SSH2: variants seen among roughly 807,000 people sequenced by gnomAD.
SSH2 encodes slingshot protein phosphatase 2.
SSH2 carries 37 observed loss-of-function variants against 135.2 expected under a neutral mutation model. The observed-to-expected ratio is 0.27, with a 90% confidence interval of 0.21 to 0.36. SSH2 has a LOEUF of 0.36. Ranked by LOEUF, SSH2 falls within the 10% of genes least tolerant of loss-of-function variation. The probability of loss-of-function intolerance (pLI) is 1.00; values close to 1 mark genes in which losing one functional copy is unlikely to be tolerated. For synonymous variants in SSH2, 628 were observed against 646.2 expected (o/e 0.97, Z 0.43); for missense variants, 1,408 against 1,765.3 (o/e 0.80, Z 3.63).
At chr17:29,657,751 G>A (rs956051560) in intron 11 of SSH2, among the ~76,000 whole-genome samples, 11 of 149,994 alleles carry the variant, frequency 7.3e-5, no homozygotes, top group East Asian at 2.0e-4. Context: ...TTTTACTTTT[G>A]TTTCTTAGAG....
At chr17:29,634,779 T>C (rs182506682) in intron 15 of SSH2, among the ~76,000 whole-genome samples, 1 of 152,098 alleles carries the variant, frequency 6.6e-6, no homozygotes, top group Admixed American at 6.5e-5. Flanking sequence ...TCTTGATCTC[T>C]TGACCTCGTG....
chr17:29,675,664 A>G (rs2037680084), intron 8 of SSH2, among the ~76,000 whole-genome samples: 1 of 152,038 alleles, frequency 6.6e-6, no homozygotes. Flanking sequence ...AGCCAGGTGT[A>G]GTGGCACATG....
intron 2 of SSH2, among the ~76,000 whole-genome samples, chr17:29,815,397 CA>C (rs112168303): frequency 0.062 from 9,452 of 152,188 alleles, 546 homozygotes; most frequent in African/African-American, 0.16. Context: ...GCTGGGATTA[CA>C]GGTGTTAGCC....
At chr17:29,789,781 G>A (rs1459298144) in intron 3 of SSH2, among the ~76,000 whole-genome samples, 1 of 152,106 alleles carries the variant, frequency 6.6e-6, no homozygotes, top group African/African-American at 2.4e-5. Flanking sequence ...AAACCAAGAA[G>A]GATTATTTTC....
intron 1 of SSH2, among the ~76,000 whole-genome samples, chr17:29,915,667 G>C (rs1346322107): frequency 2.0e-5 from 3 of 152,156 alleles, no homozygotes; most frequent in East Asian, 3.9e-4. Flanking sequence ...GAATTTTAAA[G>C]ATTACAGTTG....
chr17:29,641,077 T>G (rs1448546291), intron 14 of SSH2, among the ~76,000 whole-genome samples: 1 of 152,112 alleles, frequency 6.6e-6, no homozygotes, highest in Non-Finnish European at 1.5e-5. Flanking sequence ...GCCTGGCTAA[T>G]TTTTGTATTT....
rs185227745 is a variant in SSH2, at chr17:29,866,638, C to A, written c.64-17709G>T. Reference sequence around the variant, plus strand: ...AACTTCTAGACCTAGAATATCAGGGCACAAAAGAGAAGCTCTTGGAGTTAT... The same window carrying A: ...AACTTCTAGACCTAGAATATCAGGGAACAAAAGAGAAGCTCTTGGAGTTAT... On this transcript the variant is annotated intron_variant, in intron 1 of 15. Coordinates refer to ENST00000540801, the MANE Select transcript of SSH2 (RefSeq NM_001282129.2). 9.9e-4 allele frequency among the ~76,000 whole-genome samples: 150 copies of A among 152,228 alleles called. 1 individual carries two copies. The highest frequency in any genetic ancestry group is 4.2e-3 in the Admixed American group (64 of 15,286).
chr17:29,843,585 A>C (rs769715439), intron 2 of SSH2, among the ~76,000 whole-genome samples: 1 of 152,008 alleles, frequency 6.6e-6, no homozygotes, highest in Non-Finnish European at 1.5e-5. Context: ...TTACTATAGC[A>C]GTTTCCCCCT....
At chr17:29,708,993 A>AATAT (rs374708601) in intron 3 of SSH2, among the ~76,000 whole-genome samples, 2,928 of 65,614 alleles carry the variant, frequency 0.045, 166 homozygotes, top group African/African-American at 0.1. Context: ...CTAGTTAAGA[A>AATAT]ATATATATAT....
chr17:29,895,737 C>CATATATGAA (rs1567637973), intron 1 of SSH2, among the ~76,000 whole-genome samples: 4 of 74,956 alleles, frequency 5.3e-5, no homozygotes, highest in East Asian at 4.4e-4. Flanking sequence ...ATACACATTT[C>CATATATGAA]ATATATAAAA....
At chr17:29,699,849 C>T (rs890816707) in intron 4 of SSH2, among the ~76,000 whole-genome samples, 9 of 152,208 alleles carry the variant, frequency 5.9e-5, no homozygotes, top group African/African-American at 2.2e-4. Flanking sequence ...CTCCCCTACC[C>T]GACCTCTGGT....
intron 4 of SSH2, among the ~76,000 whole-genome samples, chr17:29,700,712 C>T (rs77482867): frequency 1.2e-3 from 186 of 152,302 alleles, no homozygotes; most frequent in African/African-American, 4.3e-3. Flanking sequence ...ATACCATCAC[C>T]AGACAGTAGA....
intron 2 of SSH2, among the ~76,000 whole-genome samples, chr17:29,829,926 G>A (rs1219639800): frequency 6.7e-6 from 1 of 148,482 alleles, no homozygotes; most frequent in African/African-American, 2.5e-5. Flanking sequence ...TGCAAGCTCC[G>A]CCTCCTAGGT....
At chr17:29,746,547 C>CAAAAAAAAAAA (rs57217896) in intron 3 of SSH2, among the ~76,000 whole-genome samples, 1 of 67,948 alleles carries the variant, frequency 1.5e-5, no homozygotes, top group African/African-American at 5.9e-5. Flanking sequence ...GACTCTGTCT[C>CAAAAAAAAAAA]AAAAAAAAAA....
chr17:29,785,368 C>A (rs1400520209), intron 3 of SSH2, among the ~76,000 whole-genome samples: 1 of 151,752 alleles, frequency 6.6e-6, no homozygotes, highest in Admixed American at 6.6e-5. Context: ...AAAAGGTGTC[C>A]TGAGATTGCA....
intron 3 of SSH2, among the ~76,000 whole-genome samples, chr17:29,735,696 C>CAAAA (rs1246276444): frequency 2.1e-5 from 1 of 48,656 alleles, no homozygotes; most frequent in Non-Finnish European, 4.2e-5. Flanking sequence ...GATTCTGTCT[C>CAAAA]AAAAAAAAAA....
intron 1 of SSH2, among the ~76,000 whole-genome samples, chr17:29,887,282 T>G (rs1001842368): frequency 2.0e-5 from 3 of 152,228 alleles, no homozygotes; most frequent in Admixed American, 6.5e-5. Flanking sequence ...TTGTACATCT[T>G]AGATATTATA....
intron 1 of SSH2, among the ~76,000 whole-genome samples, chr17:29,881,780 A>G (rs1599136359): frequency 6.6e-6 from 1 of 152,134 alleles, no homozygotes; most frequent in African/African-American, 2.4e-5. Context: ...GATTACAGGT[A>G]TGAGCCACCA....
At chr17:29,694,546 G>A (rs949351041) in intron 5 of SSH2, among the ~76,000 whole-genome samples, 1 of 152,184 alleles carries the variant, frequency 6.6e-6, no homozygotes, top group Non-Finnish European at 1.5e-5. Flanking sequence ...GTGTGCGCCT[G>A]TAGTCCCAGC....
Sources: allele counts gnomAD v4.1 joint callset (sites outside exome capture counted in the v4.1 genomes callset), GRCh38; gene constraint gnomAD v4.1.1; transcripts MANE v1.5; gene names NCBI Gene and HGNC (gene_info 2026-07-23, HGNC 2026-07-21).